PRPSAP2: variants seen among roughly 807,000 people sequenced by gnomAD.
The protein encoded by PRPSAP2 is phosphoribosyl pyrophosphate synthase-associated protein 2.
In PRPSAP2, 24 loss-of-function variants were observed where a neutral mutation model predicts 40.6. That is an observed-to-expected ratio of 0.59 (90% confidence interval 0.43 to 0.83). The LOEUF (loss-of-function observed/expected upper bound fraction) is 0.83, where lower values mean the gene tolerates loss of function less well. Among genes scored for constraint, PRPSAP2 ranks in the 40% least tolerant of loss-of-function variants. The pLI, the probability that PRPSAP2 is intolerant of heterozygous loss-of-function variation, is 0.00. For missense variants in PRPSAP2, 292 were observed against 465.6 expected (o/e 0.63, Z 3.43); for synonymous variants, 149 against 164.7 (o/e 0.90, Z 0.73).
At chr17:18,868,325 A>G (rs1326134573) in intron 4 of PRPSAP2, among the ~76,000 whole-genome samples, 1 of 151,888 alleles carries the variant, frequency 6.6e-6, no homozygotes, top group African/African-American at 2.4e-5. Context: ...AAATACAAAA[A>G]TTTGCTGGGC....
intron 8 of PRPSAP2, among the ~76,000 whole-genome samples, chr17:18,892,727 G>GTGTGTGTGTGTGTGTGTGT (rs60288281): frequency 7.9e-6 from 1 of 126,626 alleles, no homozygotes; most frequent in Non-Finnish European, 1.7e-5. Flanking sequence ...GTGTGTGTGT[G>GTGTGTGTGTGTGTGTGTGT]TATTTATTTA....
At chr17:18,869,908 C>T (rs895557666) in intron 4 of PRPSAP2, among the ~76,000 whole-genome samples, 87 of 148,856 alleles carry the variant, frequency 5.8e-4, no homozygotes, top group Admixed American at 1.0e-3. Context: ...AGTACAGTGG[C>T]GCAATCTTGG....
At chr17:18,914,184 A>G (rs912991040) in intron 9 of PRPSAP2, among the ~76,000 whole-genome samples, 9 of 151,400 alleles carry the variant, frequency 5.9e-5, no homozygotes, top group Non-Finnish European at 1.0e-4. Flanking sequence ...CATCTCAAAA[A>G]AAAAAAGAAA....
intron 1 of PRPSAP2, among the ~76,000 whole-genome samples, chr17:18,863,671 TAC>T (rs1279198163): frequency 3.3e-5 from 5 of 151,976 alleles, no homozygotes; most frequent in Admixed American, 1.3e-4. Flanking sequence ...TAGCTGGGAC[TAC>T]AGGCACCTGC....
chr17:18,897,453 G>GTGTTGTTGT lies in PRPSAP2; in HGVS notation c.584+7593_584+7601dup, dbSNP rs11271940. Among the ~76,000 whole-genome samples the GTGTTGTTGT allele has an allele frequency of 9.2e-3, 1,385 of 150,586 alleles. 17 individuals are homozygous for GTGTTGTTGT. The highest frequency in any genetic ancestry group is 0.026 in the African/African-American group (1,075 of 40,900). ...TCTAGAGTGGTGCTTCTCTATAGTG[G>GTGTTGTTGT]TGTTGTTGTTGTTGTTGTTGTTGTT... On this transcript the variant is annotated intron_variant, in intron 8 of 11. Coordinates refer to ENST00000268835, the MANE Select transcript of PRPSAP2 (RefSeq NM_002767.4).
chr17:18,910,987 T>C, intron 8 of PRPSAP2, 116 bp from the exon 9 acceptor site: 1 of 1,250,708 alleles, frequency 8.0e-7, no homozygotes, highest in Non-Finnish European at 1.1e-6. Context: ...CTCTCTTTTC[T>C]TTAGTCCTTT....
Position 18,882,643 on chromosome 17 carries a change from T to A in PRPSAP2, c.488T>A (p.Leu163Ter), listed in dbSNP as rs374596090. The change falls in exon 7 of 12, where the codon TTA becomes TAA. Residue 163 changes from leucine to a stop codon, truncating the protein, a stop_gained. Coordinates refer to ENST00000268835, the MANE Select transcript of PRPSAP2 (RefSeq NM_002767.4). LOFTEE classifies it high-confidence loss of function. The stretch of plus-strand genomic sequence containing the variant: ...TTCTTCAATATTCCTGTTGACAATT[T>A]AAGAGCATCTCCCTTCTTATTACAG... ...QGFFNIPVDN[L>*]RASPFLLQYI... 7 of 1,603,156 alleles carry A rather than the reference T, an allele frequency of 4.4e-6. No homozygotes were observed. Among genetic ancestry groups the A allele is most frequent in the Non-Finnish European group, 6.0e-6 (7 of 1,170,170 alleles).
chr17:18,926,689 T>A (rs546699939), intron 10 of PRPSAP2, among the ~76,000 whole-genome samples: 47 of 152,298 alleles, frequency 3.1e-4, no homozygotes, highest in Non-Finnish European at 4.9e-4. Context: ...CTTGCTTAAC[T>A]ATAGTACAAT....
chr17:18,898,513 C>T (rs1233505082), intron 8 of PRPSAP2, among the ~76,000 whole-genome samples: 1 of 152,086 alleles, frequency 6.6e-6, no homozygotes, highest in African/African-American at 2.4e-5. Flanking sequence ...TTGAGAATGT[C>T]TAGAGTTCCT....
In PRPSAP2 at chr17:18,911,097, C is replaced by A; in HGVS notation, c.585-6C>A. 1 of 1,600,650 alleles carries A rather than the reference C, an allele frequency of 6.2e-7. No homozygotes were observed. On this transcript the variant is annotated splice_region_variant and splice_polypyrimidine_tract_variant and intron_variant, in intron 8 of 11. Coordinates refer to ENST00000268835, the MANE Select transcript of PRPSAP2 (RefSeq NM_002767.4). The surrounding 1 kb of genome is among the most constrained non-coding windows in gnomAD (Gnocchi z 4.5). ...TTTTGAGCTTGTGTCTGGTGTTTTC[C>A]CTCAGGGCACAGTCTTTTGCTGAGC...
At chr17:18,877,643 C>A (rs143651258) in intron 5 of PRPSAP2, 55 bp from the exon 6 acceptor site, 1 of 1,491,204 alleles carries the variant, frequency 6.7e-7, no homozygotes, top group Non-Finnish European at 9.1e-7. Context: ...CTTTTTGGAA[C>A]AGGGAATACT....
chr17:18,867,196 T>C, intron 3 of PRPSAP2, 86 bp from the exon 4 acceptor site: 1 of 1,288,504 alleles, frequency 7.8e-7, no homozygotes, highest in Non-Finnish European at 1.1e-6. Flanking sequence ...ATTTTACTCT[T>C]ATCGATTTAC....
intron 8 of PRPSAP2, among the ~76,000 whole-genome samples, chr17:18,901,197 C>G (rs185065351): frequency 3.3e-5 from 5 of 152,278 alleles, no homozygotes; most frequent in African/African-American, 1.2e-4. Context: ...AGTCCTTTGA[C>G]TAGGGAGAGC....
intron 1 of PRPSAP2, chr17:18,861,485 A>C (rs2037013829): frequency 2.0e-5 from 3 of 152,296 alleles, no homozygotes; most frequent in South Asian, 2.1e-4. Context: ...AAAAGAAAAA[A>C]AAGAAAAATA....
intron 5 of PRPSAP2, among the ~76,000 whole-genome samples, chr17:18,877,137 G>A (rs1364144916): frequency 6.6e-6 from 1 of 152,210 alleles, no homozygotes; most frequent in Non-Finnish European, 1.5e-5. Context: ...CCAAGTGACC[G>A]TGGACATGGC....
chr17:18,868,629 G>A (rs960717095), intron 4 of PRPSAP2, among the ~76,000 whole-genome samples: 3 of 152,068 alleles, frequency 2.0e-5, no homozygotes, highest in African/African-American at 7.2e-5. Flanking sequence ...AGGATTAAGT[G>A]GGATAACTTG....
intron 8 of PRPSAP2, among the ~76,000 whole-genome samples, chr17:18,906,397 G>C (rs1352380274): frequency 6.6e-6 from 1 of 152,144 alleles, no homozygotes; most frequent in African/African-American, 2.4e-5. Context: ...TGTATTTTTA[G>C]TAGAGACAGG....
intron 8 of PRPSAP2, among the ~76,000 whole-genome samples, chr17:18,900,267 C>G (rs1475234275): frequency 6.6e-6 from 1 of 152,252 alleles, no homozygotes; most frequent in African/African-American, 2.4e-5. Flanking sequence ...AGTGATCTGC[C>G]TGCCTCGGCC....
At chr17:18,892,819 C>T (rs554784106) in intron 8 of PRPSAP2, among the ~76,000 whole-genome samples, 5 of 151,668 alleles carry the variant, frequency 3.3e-5, no homozygotes, top group Admixed American at 1.3e-4. Context: ...ACTGCAACCT[C>T]CGCCTCCCAG....
Sources: gnomAD v4.1 joint callset for allele counts (sites outside exome capture counted in the v4.1 genomes callset) on GRCh38, gnomAD v4.1.1 for gene constraint, Gnocchi (gnomAD v3.1) non-coding constraint, MANE v1.5 for transcripts, NCBI Gene and HGNC (gene_info 2026-07-23, HGNC 2026-07-21) for gene names.